RANBP2: variants seen among roughly 807,000 people sequenced by gnomAD.
RANBP2 encodes E3 SUMO-protein ligase RanBP2.
RANBP2 carries 57 observed loss-of-function variants against 303.6 expected under a neutral mutation model. That is an observed-to-expected ratio of 0.19 (90% CI 0.15 to 0.23). The LOEUF (loss-of-function observed/expected upper bound fraction) is 0.23, where lower values mean the gene tolerates loss of function less well. RANBP2 is among the 10% of genes least tolerant of loss of function. The pLI, the probability that RANBP2 is intolerant of heterozygous loss-of-function variation, is 1.00. For missense variants in RANBP2, 3,138 were observed against 3,780.8 expected, an observed-to-expected ratio of 0.83 and a Z score of 4.46; for synonymous variants, 1,167 against 1,301.5, an observed-to-expected ratio of 0.90 and a Z score of 2.23.
chr2:109,608,922 A>G, the RANBP2 span, among the ~76,000 whole-genome samples: 1 of 152,266 alleles, frequency 6.6e-6, no homozygotes, highest in Admixed American at 6.5e-5. Context: ...AAGCAGAGAT[A>G]AATCACATTA....
chr2:108,958,067 T>C, the RANBP2 span, among the ~76,000 whole-genome samples: 5 of 152,192 alleles, frequency 3.3e-5, no homozygotes, highest in East Asian at 3.9e-4. Context: ...CAAATTACCA[T>C]GCCCGTGAGC....
At chr2:109,040,978 C>T in the RANBP2 span, among the ~76,000 whole-genome samples, 5 of 152,142 alleles carry the variant, frequency 3.3e-5, no homozygotes, top group Middle Eastern at 3.2e-3. Flanking sequence ...ATGGCGTGGA[C>T]CCAGGAGGCG....
At chr2:109,182,865 A>G in the RANBP2 span, among the ~76,000 whole-genome samples, 1 of 152,236 alleles carries the variant, frequency 6.6e-6, no homozygotes, top group Non-Finnish European at 1.5e-5. Flanking sequence ...TTCCATATGC[A>G]TATTGCCATA....
rs138210821 is a variant in RANBP2 at position 108,763,341 on chromosome 2, C to G, written c.2802C>G (p.Phe934Leu). Reference protein sequence around the residue: ...PPVQSSSACMFSQEMYGPPAL... With the variant: ...PPVQSSSACMLSQEMYGPPAL... ...TGCAAAGCTCATCTGCTTGTATGTT[C>G]TCTCAGGAGATGTATGGTCCTCCTG... Residue 934 changes from phenylalanine (F) to leucine (L), a missense_variant, in exon 20 of 29, where the codon TTC becomes TTG. By Grantham distance (22) the Phe-to-Leu change is conservative. Coordinates refer to ENST00000283195, the MANE Select transcript of RANBP2 (RefSeq NM_006267.5). 9.5e-5 allele frequency: 153 copies of G among 1,613,868 alleles called. No individual in the cohort carries two copies. The highest frequency in any genetic ancestry group is 1.2e-4 in the Non-Finnish European group (147 of 1,179,976).
the RANBP2 span, among the ~76,000 whole-genome samples, chr2:109,434,538 A>C: frequency 6.6e-6 from 1 of 152,154 alleles, no homozygotes. Flanking sequence ...GGCGCCTCCC[A>C]CCCCCACAAC....
the RANBP2 span, among the ~76,000 whole-genome samples, chr2:109,730,252 T>C: frequency 7.2e-5 from 11 of 152,316 alleles, no homozygotes; most frequent in African/African-American, 2.4e-4. Context: ...TCACATGGGC[T>C]TTGAAAAGCT....
At chr2:109,255,183 G>C in the RANBP2 span, among the ~76,000 whole-genome samples, 1 of 152,192 alleles carries the variant, frequency 6.6e-6, no homozygotes, top group East Asian at 1.9e-4. Context: ...TGTGTGTGTG[G>C]CATTTCACTT....
At chr2:109,055,160 C>A in the RANBP2 span, among the ~76,000 whole-genome samples, 3 of 152,082 alleles carry the variant, frequency 2.0e-5, no homozygotes, top group Non-Finnish European at 4.4e-5. Context: ...GATATTAGCA[C>A]CTTTTCATGT....
the RANBP2 span, among the ~76,000 whole-genome samples, chr2:109,493,470 TACAA>T: frequency 6.7e-6 from 1 of 149,690 alleles, no homozygotes; most frequent in Non-Finnish European, 1.5e-5. Context: ...ACACTATACA[TACAA>T]ACACATACCC....
At chr2:109,743,540 A>G in the RANBP2 span, among the ~76,000 whole-genome samples, 9 of 145,148 alleles carry the variant, frequency 6.2e-5, 2 homozygotes, top group South Asian at 1.4e-3. Context: ...GACAAGCCAC[A>G]GGTTGAAAGA....
At chr2:109,476,577 C>T in the RANBP2 span, among the ~76,000 whole-genome samples, 2 of 152,228 alleles carry the variant, frequency 1.3e-5, no homozygotes, top group African/African-American at 4.8e-5. Context: ...AGCTCTCGGG[C>T]TCTCCATGAG....
the RANBP2 span, among the ~76,000 whole-genome samples, chr2:108,878,649 T>G: frequency 0.021 from 3,209 of 152,326 alleles, 114 homozygotes; most frequent in South Asian, 0.086. Context: ...GTGAGACCTT[T>G]TATTTGAAAA....
the RANBP2 span, among the ~76,000 whole-genome samples, chr2:109,671,818 G>A: frequency 2.0e-5 from 3 of 151,846 alleles, no homozygotes; most frequent in Non-Finnish European, 4.4e-5. Context: ...TTTTTTTGTT[G>A]ATGGTCTTGG....
At chr2:109,552,308 G>C in the RANBP2 span, among the ~76,000 whole-genome samples, 3 of 152,270 alleles carry the variant, frequency 2.0e-5, no homozygotes, top group South Asian at 6.2e-4. Flanking sequence ...AGTTCAAATG[G>C]AAAGTAAAGC....
the RANBP2 span, among the ~76,000 whole-genome samples, chr2:109,682,975 C>G: frequency 6.6e-6 from 1 of 152,152 alleles, no homozygotes; most frequent in Non-Finnish European, 1.5e-5. Flanking sequence ...CCACACTTCC[C>G]CATCTCCCTT....
the RANBP2 span, among the ~76,000 whole-genome samples, chr2:109,489,777 A>G: frequency 1.0e-3 from 159 of 151,964 alleles, no homozygotes; most frequent in Admixed American, 6.4e-3. Flanking sequence ...TCGCTCTGTC[A>G]CCCAGGCTGG....
At chr2:109,669,714 CCGCCT>C in the RANBP2 span, among the ~76,000 whole-genome samples, 5 of 152,198 alleles carry the variant, frequency 3.3e-5, no homozygotes, top group Non-Finnish European at 7.3e-5. Flanking sequence ...ACAACCCTCA[CCGCCT>C]CTGGCTCTTT....
chr2:109,586,207 A>G, the RANBP2 span, among the ~76,000 whole-genome samples: 1 of 152,246 alleles, frequency 6.6e-6, no homozygotes, highest in Non-Finnish European at 1.5e-5. Flanking sequence ...TCAAGTGAAA[A>G]AAAAGCACAA....
In RANBP2 at chr2:108,721,181, G is replaced by A. The variant is rs554022825; in HGVS notation, c.72+1503G>A. 2.8e-4 allele frequency among the ~76,000 whole-genome samples: 43 copies of A among 152,312 alleles called. 2 individuals carry two copies. The highest frequency in any genetic ancestry group is 9.9e-4 in the African/African-American group (41 of 41,568). ...CGCTTCCAGCAGCCCTGTGGATATT[G>A]AGACCTGTAGAGATTTAAGATACTT... On this transcript the variant is annotated intron_variant, in intron 1 of 28. Transcript: ENST00000283195.
Sources: allele counts gnomAD v4.1 joint callset (sites outside exome capture counted in the v4.1 genomes callset), GRCh38; gene constraint gnomAD v4.1.1; transcripts MANE v1.5; gene names NCBI Gene and HGNC (gene_info 2026-07-23, HGNC 2026-07-21).